Variants in SPPL2A observed in about 807,000 individuals in gnomAD.
SPPL2A encodes the protein signal peptide peptidase like 2A, also known as signal peptide peptidase-like 2A.
A neutral mutation model predicts 63.8 loss-of-function variants in SPPL2A; 51 were observed. The observed-to-expected ratio is 0.80, with a 90% CI of 0.64 to 1.01. The LOEUF is 1.01. Ranked by LOEUF, SPPL2A falls within the 50% of genes least tolerant of loss-of-function variation. The pLI, the probability that SPPL2A is intolerant of heterozygous loss-of-function variation, is 0.00. For missense variants in SPPL2A, 553 were observed against 622.7 expected, an observed-to-expected ratio of 0.89 and a Z score of 1.19; for synonymous variants, 188 against 205.8, an observed-to-expected ratio of 0.91 and a Z score of 0.74.
At chr15:50,707,968 C>A in intron 14 of SPPL2A, 94 bp from the exon 15 acceptor site, 1 of 727,122 alleles carries the variant, frequency 1.4e-6, no homozygotes, top group Non-Finnish European at 2.5e-6. Context: ...CTAAAAAACA[C>A]AGATTGCTCT....
At position 50,751,021 on chromosome 15, in the gene SPPL2A, C is replaced by T. The variant is rs563230720; in HGVS notation, c.67-1275G>A. 7.9e-5 allele frequency among the ~76,000 whole-genome samples: 12 copies of T among 152,250 alleles called. No individual in the cohort carries two copies. The East Asian group carries it at 2.3e-3, about 29-fold the overall frequency. On this transcript the variant is annotated intron_variant, in intron 1 of 14. Coordinates refer to ENST00000261854, the MANE Select transcript of SPPL2A (RefSeq NM_032802.4). Reference sequence around the variant, plus strand: ...CTAATGAGTATAGAAATGTTCTAATCCCATGCTCTGTTACCTAAAATGTCC... The same window carrying T: ...CTAATGAGTATAGAAATGTTCTAATTCCATGCTCTGTTACCTAAAATGTCC...
In SPPL2A at chr15:50,702,884, G is replaced by A. The variant is rs1359949979; in HGVS notation, c.*4916C>T. On this transcript the variant is annotated 3_prime_UTR_variant, in exon 15 of 15. Coordinates refer to ENST00000261854, the MANE Select transcript of SPPL2A (RefSeq NM_032802.4). ...TACTTATGATCTTCACTATAATATG[G>A]CCTATATATTACCCTGTCAATTTTT... The A allele has an allele frequency of 6.7e-6, 1 of 150,002 alleles. No individual in the cohort carries two copies. The highest frequency in any genetic ancestry group is 1.9e-4 in the East Asian group (1 of 5,192). The allele number at this position is 150,002 out of a possible 1,614,324, so 9.3% of individuals were successfully genotyped here.
At chr15:50,748,030 A>G in intron 4 of SPPL2A, 83 bp downstream of exon 4, 1 of 597,230 alleles carries the variant, frequency 1.7e-6, no homozygotes, top group Non-Finnish European at 2.7e-6. Context: ...AGCAAATATA[A>G]CACTCAAAAT....
At chr15:50,733,129 C>G (rs993580899) in intron 8 of SPPL2A, among the ~76,000 whole-genome samples, 1 of 152,164 alleles carries the variant, frequency 6.6e-6, no homozygotes, top group Non-Finnish European at 1.5e-5. Flanking sequence ...TAACACGTCT[C>G]GCTCTAGAAA....
Position 50,704,329 on chromosome 15 carries a change from C to G in SPPL2A, c.*3471G>C, listed in dbSNP as rs182055020. On this transcript the variant is annotated 3_prime_UTR_variant, in exon 15 of 15. Transcript: ENST00000261854. ...TGCACTCCAGCCTGGGCAAAAAGAG[C>G]GAAACTCTGTCTCAAAAAAAAAAAA... The G allele has an allele frequency of 4.7e-5, 5 of 105,358 alleles. No individual in the cohort carries two copies. Among genetic ancestry groups the G allele is most frequent in the Admixed American group, 1.2e-4 (1 of 8,586 alleles). 6.5% of individuals were successfully genotyped at this position (105,358 alleles called of 1,614,324 possible).
rs542336104 is a variant in SPPL2A at position 50,741,965 on chromosome 15, C to CA, written c.585-2138dup. Among the ~76,000 whole-genome samples the CA allele has an allele frequency of 1.2e-4, 16 of 129,216 alleles. No individual in the cohort carries two copies. The South Asian group carries it at 2.9e-3, about 23-fold the overall frequency. The allele number at this position is 129,216 out of a possible 152,430, so 84.8% of individuals were successfully genotyped here. ...CCTGGGTGACAGTGAGACTCCAACT[C>CA]AAAAAAAAAGAAAAAAAAATTACAA... On this transcript the variant is annotated intron_variant, in intron 5 of 14. Coordinates refer to ENST00000261854, the MANE Select transcript of SPPL2A (RefSeq NM_032802.4).
rs2062514993 is a variant in SPPL2A at position 50,707,089 on chromosome 15, AC to A, written c.*710del. ...GAACCGCCTTCTTGCATGGTGTTAAACAGTTATTTCTACAGAGCAGATATAA... is the reference window on the plus strand; with the variant it reads ...GAACCGCCTTCTTGCATGGTGTTAAAAGTTATTTCTACAGAGCAGATATAA... On this transcript the variant is annotated 3_prime_UTR_variant, in exon 15 of 15. Transcript: ENST00000261854. The A allele has an allele frequency of 6.6e-6, 1 of 152,176 alleles. No individual in the cohort carries two copies. The highest frequency in any genetic ancestry group is 1.9e-4 in the East Asian group (1 of 5,208). The allele number at this position is 152,176 out of a possible 1,614,324, so 9.4% of individuals were successfully genotyped here.
intron 6 of SPPL2A, among the ~76,000 whole-genome samples, chr15:50,737,188 A>C (rs1325522047): frequency 6.6e-6 from 1 of 152,156 alleles, no homozygotes; most frequent in East Asian, 1.9e-4. Context: ...CTGGGATTAC[A>C]GCAGTGAGCC....
rs1377005988 is a variant in SPPL2A at position 50,704,134 on chromosome 15, G to C, written c.*3666C>G. 6.6e-6 allele frequency: 1 copy of C among 151,922 alleles called. No individual in the cohort carries two copies. Among genetic ancestry groups the C allele is most frequent in the Non-Finnish European group, 1.5e-5 (1 of 67,994 alleles). 9.4% of individuals were successfully genotyped at this position (151,922 alleles called of 1,614,324 possible). A position where few individuals can be genotyped will look rare whatever the true frequency, so the allele number is the denominator to read the frequency against. On this transcript the variant is annotated 3_prime_UTR_variant, in exon 15 of 15. Transcript: ENST00000261854. The stretch of plus-strand genomic sequence containing the variant: ...GAGGCGGGCGGATCACCTCAGGTTG[G>C]GAGTTCGAGACCAGCCTGATCAACA...
chr15:50,711,593 C>T lies in SPPL2A; in HGVS notation c.1489-3719G>A, dbSNP rs191180966. ...AACTCACAGTAAGGGCTGAAAGACT[C>T]GAAGTAAGATCCTGAAGTATTTCAA... On this transcript the variant is annotated intron_variant, in intron 14 of 14. Coordinates refer to ENST00000261854, the MANE Select transcript of SPPL2A (RefSeq NM_032802.4). 1.1e-3 allele frequency among the ~76,000 whole-genome samples: 170 copies of T among 152,150 alleles called. 1 individual carries two copies. Among genetic ancestry groups the T allele is most frequent in the South Asian group, 2.1e-4 (1 of 4,818 alleles).
intron 14 of SPPL2A, among the ~76,000 whole-genome samples, chr15:50,717,968 G>GGT (rs2062610576): frequency 3.3e-5 from 3 of 91,660 alleles, no homozygotes; most frequent in East Asian, 7.7e-4. Flanking sequence ...TGTAACTTTC[G>GGT]TTTTTTTTTT....
At chr15:50,708,790 T>C (rs2062534189) in intron 14 of SPPL2A, among the ~76,000 whole-genome samples, 2 of 151,948 alleles carry the variant, frequency 1.3e-5, no homozygotes, top group South Asian at 4.2e-4. Flanking sequence ...TCCCAGCACT[T>C]TGGGAGGCCG....
At chr15:50,762,551 T>C (rs767443203) in intron 1 of SPPL2A, among the ~76,000 whole-genome samples, 3 of 152,070 alleles carry the variant, frequency 2.0e-5, no homozygotes, top group Non-Finnish European at 2.9e-5. Context: ...GATGTGAAGA[T>C]GACAAGATGA....
chr15:50,723,928 T>C (rs2062666641), intron 12 of SPPL2A, among the ~76,000 whole-genome samples: 1 of 152,232 alleles, frequency 6.6e-6, no homozygotes, highest in Non-Finnish European at 1.5e-5. Flanking sequence ...AGAAATATTT[T>C]TGTTTTAGAC....
At chr15:50,736,025 A>T (rs548939360) in intron 8 of SPPL2A, 76 bp downstream of exon 8, 1 of 930,234 alleles carries the variant, frequency 1.1e-6, no homozygotes, top group East Asian at 2.5e-5. Context: ...ATTCCATAAT[A>T]ATCATAATAA....
intron 6 of SPPL2A, among the ~76,000 whole-genome samples, chr15:50,737,463 T>C (rs11070809): frequency 0.53 from 80,716 of 151,970 alleles, 21,583 homozygotes; most frequent in African/African-American, 0.59. Flanking sequence ...AAAATGAGTT[T>C]TTTTTTTGAG....
chr15:50,715,884 T>C (rs2062595699), intron 14 of SPPL2A, among the ~76,000 whole-genome samples: 4 of 152,114 alleles, frequency 2.6e-5, no homozygotes, highest in Admixed American at 2.6e-4. Flanking sequence ...AATCATTTTC[T>C]GAAAATACCT....
intron 9 of SPPL2A, among the ~76,000 whole-genome samples, chr15:50,731,548 A>T (rs1160333900): frequency 6.8e-6 from 1 of 146,340 alleles, no homozygotes; most frequent in East Asian, 2.0e-4. Flanking sequence ...TCTGTCTTGG[A>T]AAAAAAAAAA....
At chr15:50,728,490 C>T (rs1410481365) in intron 10 of SPPL2A, among the ~76,000 whole-genome samples, 7 of 151,166 alleles carry the variant, frequency 4.6e-5, no homozygotes, top group Admixed American at 3.3e-4. Context: ...ACTACAGGTG[C>T]CCGCCACCAT....
Sources: gnomAD v4.1 joint callset for allele counts (sites outside exome capture counted in the v4.1 genomes callset) on GRCh38, gnomAD v4.1.1 for gene constraint, MANE v1.5 for transcripts, NCBI Gene and HGNC (gene_info 2026-07-23, HGNC 2026-07-21) for gene names.